The following ARHGEF11 variants were observed in gnomAD, a reference collection of about 807,000 sequenced individuals.
ARHGEF11 encodes the protein Rho guanine exchange factor (GEF) 11.
Under a neutral mutation model 193.7 loss-of-function variants are expected in ARHGEF11, and 55 were observed. The observed-to-expected ratio is 0.28, with a 90% CI of 0.23 to 0.36. The LOEUF is 0.36. ARHGEF11 is among the 10% of genes least tolerant of loss of function. ARHGEF11 has a pLI of 1.00. For missense variants in ARHGEF11, 1,723 were observed against 2,005.6 expected (o/e 0.86, Z 2.69); for synonymous variants, 693 against 768.0 (o/e 0.90, Z 1.62).
chr1:156,991,149 T>C (rs1557914410), intron 1 of ARHGEF11, among the ~76,000 whole-genome samples: 3 of 152,216 alleles, frequency 2.0e-5, no homozygotes, highest in Non-Finnish European at 4.4e-5. Context: ...CACTGCTCTA[T>C]TCAATATGCA....
chr1:156,976,906 T>G lies in ARHGEF11; in HGVS notation c.582+77A>C, dbSNP rs1663336579. ...AGGATATTGCCTGTAAATTAAGTTG[T>G]GTACATTGGCAGGCTGCTCTGATAA... On this transcript the variant is annotated intron_variant, in intron 7 of 40. Transcript: ENST00000368194. 8 of 1,311,314 alleles carry G rather than the reference T, an allele frequency of 6.1e-6. No homozygotes were observed. In the Admixed American group the frequency reaches 1.4e-4, roughly 22 times the overall value. The allele number at this position is 1,311,314 out of a possible 1,614,324, so 81.2% of individuals were successfully genotyped here. A position where few individuals can be genotyped will look rare whatever the true frequency, so the allele number is the denominator to read the frequency against.
At chr1:156,942,149 G>A (rs576573822) in intron 33 of ARHGEF11, among the ~76,000 whole-genome samples, 160 bp from the exon 34 acceptor site, 133 of 152,282 alleles carry the variant, frequency 8.7e-4, no homozygotes, top group African/African-American at 3.1e-3. Context: ...GCTCCCTTGC[G>A]GTTATATTAC....
chr1:157,017,800 C>T (rs1015942735), intron 1 of ARHGEF11, among the ~76,000 whole-genome samples: 4 of 149,280 alleles, frequency 2.7e-5, no homozygotes, highest in African/African-American at 4.9e-5. Flanking sequence ...AAGAGAGAAT[C>T]TAACATCTGC....
At chr1:157,016,110 T>C (rs1669194346) in intron 1 of ARHGEF11, among the ~76,000 whole-genome samples, 1 of 152,138 alleles carries the variant, frequency 6.6e-6, no homozygotes, top group Non-Finnish European at 1.5e-5. Context: ...AAATAAGACC[T>C]AAACCCCCAG....
At chr1:156,960,202 G>A (rs1002642490) in intron 15 of ARHGEF11, among the ~76,000 whole-genome samples, 5 of 152,202 alleles carry the variant, frequency 3.3e-5, no homozygotes, top group South Asian at 2.1e-4. Flanking sequence ...AGCTCCCCCC[G>A]GCAGAGTGAG....
At position 156,986,229 on chromosome 1, in the gene ARHGEF11, G is replaced by A. The variant is rs1053037623; in HGVS notation, c.33-56C>T. 48 of 1,447,922 alleles carry A rather than the reference G, an allele frequency of 3.3e-5. No individual in the cohort carries two copies. The Middle Eastern group carries it at 9.5e-4, about 29-fold the overall frequency. 89.7% of individuals were successfully genotyped at this position (1,447,922 alleles called of 1,614,324 possible). A position where few individuals can be genotyped will look rare whatever the true frequency, so the allele number is the denominator to read the frequency against. On this transcript the variant is annotated intron_variant, in intron 1 of 40. Transcript: ENST00000368194. ...GAGCTCAGCAGGGGGGATCAGCCTT[G>A]TAGTAGATGGAGGCTCTGTCAAAAG...
At chr1:156,976,433 T>G (rs1663271446) in intron 7 of ARHGEF11, among the ~76,000 whole-genome samples, 1 of 152,224 alleles carries the variant, frequency 6.6e-6, no homozygotes, top group Admixed American at 6.5e-5. Context: ...TTAAACATGT[T>G]GAGGGGAGGA....
chr1:157,027,782 C>T (rs1183525861), intron 1 of ARHGEF11, among the ~76,000 whole-genome samples: 1 of 152,152 alleles, frequency 6.6e-6, no homozygotes, highest in Non-Finnish European at 1.5e-5. Flanking sequence ...TAACAGACCC[C>T]CAAGGCTAGC....
chr1:156,944,966 T>G (rs1197006308), intron 30 of ARHGEF11, 53 bp downstream of exon 30: 3 of 1,589,436 alleles, frequency 1.9e-6, no homozygotes, highest in Non-Finnish European at 2.6e-6. Context: ...GTTCTGCTCC[T>G]AAGGGTACCC....
intron 1 of ARHGEF11, among the ~76,000 whole-genome samples, chr1:156,991,960 C>T (rs890245441): frequency 2.0e-5 from 3 of 151,834 alleles, no homozygotes; most frequent in Admixed American, 1.3e-4. Context: ...TCGTGATCCG[C>T]CCGCCTCGGC....
chr1:156,973,785 T>G (rs1337259361), intron 7 of ARHGEF11, among the ~76,000 whole-genome samples: 1 of 152,234 alleles, frequency 6.6e-6, no homozygotes. Context: ...TTCTACTGAT[T>G]GGCCCTCTGA....
At chr1:157,015,348 G>A (rs948772030) in intron 1 of ARHGEF11, among the ~76,000 whole-genome samples, 1 of 152,186 alleles carries the variant, frequency 6.6e-6, no homozygotes, top group East Asian at 1.9e-4. Context: ...CTATGAAATG[G>A]GGACGCTCAC....
intron 8 of ARHGEF11, among the ~76,000 whole-genome samples, chr1:156,971,212 T>C (rs1362758402): frequency 6.6e-6 from 1 of 152,258 alleles, no homozygotes; most frequent in African/African-American, 2.4e-5. Flanking sequence ...TGTGGTTATC[T>C]GCTGATACAG....
chr1:156,938,478 G>T lies in ARHGEF11; in HGVS notation c.4132C>A (p.Pro1378Thr). ...CCAGGCTCTGACTGGCCACTCTCTG[G>T]TAGTGCAGGGACAACCTTGCTGCCT... is the stretch of plus-strand genomic sequence containing the variant. Reference protein sequence around the residue: ...VAGSKVVPALPESGQSEPGPP... With the variant: ...VAGSKVVPALTESGQSEPGPP... Residue 1378 changes from proline (P) to threonine (T), a missense_variant, in exon 38 of 41, where the codon CCA (proline) becomes ACA (threonine). Physicochemically the swap from Pro to Thr is conservative, Grantham distance 38. Around this residue, in one of 5 missense-constraint regions of ARHGEF11, gnomAD observed 360 missense variants for 344.4 expected, o/e 1.05. Transcript: ENST00000368194. The T allele has an allele frequency of 6.2e-7, 1 of 1,613,742 alleles. No homozygotes were observed. Among genetic ancestry groups the T allele is most frequent in the Non-Finnish European group, 8.5e-7 (1 of 1,179,820 alleles).
intron 21 of ARHGEF11, among the ~76,000 whole-genome samples, chr1:156,952,861 TCTG>T (rs1659326765): frequency 6.6e-6 from 1 of 152,240 alleles, no homozygotes; most frequent in Admixed American, 6.5e-5. Flanking sequence ...TGAACGTGCA[TCTG>T]GGCCTTGAAG....
chr1:157,015,885 G>A (rs1417588732), intron 1 of ARHGEF11, among the ~76,000 whole-genome samples: 1 of 152,212 alleles, frequency 6.6e-6, no homozygotes, highest in Non-Finnish European at 1.5e-5. Context: ...CAGTCACTTT[G>A]CTATTATGGT....
chr1:157,044,869 A>AT lies in ARHGEF11; in HGVS notation c.-540_-539insA, dbSNP rs566589119. 1.0e-4 allele frequency: 21 copies of AT among 202,674 alleles called. No individual in the cohort carries two copies. The highest frequency in any genetic ancestry group is 1.4e-4 in the Non-Finnish European group (14 of 102,402). The allele number at this position is 202,674 out of a possible 1,614,324, so 12.6% of individuals were successfully genotyped here. A position where few individuals can be genotyped will look rare whatever the true frequency, so the allele number is the denominator to read the frequency against. Reference sequence around the variant, plus strand: ...TATCTTTGAGGAAAGGAAAAAAAAAAGGATTAATAAATCCGAAATGGCACT... The same window carrying AT: ...TATCTTTGAGGAAAGGAAAAAAAAAATGGATTAATAAATCCGAAATGGCACT... On this transcript the variant is annotated 5_prime_UTR_variant, in exon 1 of 41. An upstream open reading frame in the 5' UTR loses its in-frame stop. Transcript: ENST00000368194.
intron 1 of ARHGEF11, among the ~76,000 whole-genome samples, chr1:156,997,463 G>A (rs1236468239): frequency 6.6e-6 from 1 of 152,218 alleles, no homozygotes; most frequent in Non-Finnish European, 1.5e-5. Flanking sequence ...TCTGACTGCA[G>A]TGACTAGAGT....
At chr1:156,983,100 A>G (rs1019956546) in intron 3 of ARHGEF11, among the ~76,000 whole-genome samples, 2 of 152,202 alleles carry the variant, frequency 1.3e-5, no homozygotes, top group Non-Finnish European at 2.9e-5. Flanking sequence ...GTTTAAGCCA[A>G]GCCTAGGATG....
Sources: gnomAD v4.1 joint callset for allele counts (sites outside exome capture counted in the v4.1 genomes callset) on GRCh38, gnomAD v4.1.1 for gene constraint, gnomAD v4.1.1 regional missense constraint, MANE v1.5 for transcripts, NCBI Gene and HGNC (gene_info 2026-07-23, HGNC 2026-07-21) for gene names.